PRKCE: variants seen among roughly 807,000 people sequenced by gnomAD.
PRKCE encodes protein kinase C epsilon type.
PRKCE carries 16 observed loss-of-function variants against 85.4 expected under a neutral mutation model. That is an observed-to-expected ratio of 0.19 (90% CI 0.13 to 0.28). The LOEUF is 0.28. PRKCE is among the 10% of genes least tolerant of loss of function. The pLI, the probability that PRKCE is intolerant of heterozygous loss-of-function variation, is 1.00. For synonymous variants in PRKCE, 388 were observed against 371.5 expected (o/e 1.04, Z -0.51); for missense variants, 573 against 975.2 (o/e 0.59, Z 5.49).
intron 1 of PRKCE, among the ~76,000 whole-genome samples, chr2:45,711,039 C>G (rs926752675): frequency 1.3e-5 from 2 of 152,218 alleles, no homozygotes; most frequent in African/African-American, 4.8e-5. Flanking sequence ...CCCTCCCTGT[C>G]CCCTGTCCCC....
In PRKCE at chr2:45,651,832, G is replaced by A; in HGVS notation, c.-269G>A. 2 of 343,776 alleles carry A rather than the reference G, an allele frequency of 5.8e-6. No homozygotes were observed. The highest frequency in any genetic ancestry group is 4.6e-5 in the East Asian group (1 of 21,920). The allele number at this position is 343,776 out of a possible 1,614,324, so 21.3% of individuals were successfully genotyped here. A position where few individuals can be genotyped will look rare whatever the true frequency, so the allele number is the denominator to read the frequency against. On this transcript the variant is annotated 5_prime_UTR_variant, in exon 1 of 15. Coordinates refer to ENST00000306156, the MANE Select transcript of PRKCE (RefSeq NM_005400.3). ...CGTCTTCTCTTCTGGAGGTGCAGCTGGTGGTCGGGGGGAGAGACTTGCTCC... is the reference window on the plus strand; with the variant it reads ...CGTCTTCTCTTCTGGAGGTGCAGCTAGTGGTCGGGGGGAGAGACTTGCTCC...
intron 10 of PRKCE, among the ~76,000 whole-genome samples, chr2:46,024,922 T>A (rs1165636964): frequency 6.6e-6 from 1 of 152,188 alleles, no homozygotes; most frequent in Non-Finnish European, 1.5e-5. Context: ...AATGGTGAAA[T>A]ACTTCTACCA....
intron 1 of PRKCE, among the ~76,000 whole-genome samples, chr2:45,742,759 C>T (rs1374490344): frequency 1.3e-5 from 2 of 152,138 alleles, no homozygotes; most frequent in Non-Finnish European, 2.9e-5. Context: ...CAGAGAATGA[C>T]CTTATGATCC....
At chr2:45,977,391 C>A (rs1702538237) in intron 3 of PRKCE, among the ~76,000 whole-genome samples, 1 of 152,000 alleles carries the variant, frequency 6.6e-6, no homozygotes, top group Admixed American at 6.6e-5. Flanking sequence ...AATCCCAGCA[C>A]TTTGGGAGGC....
intron 1 of PRKCE, among the ~76,000 whole-genome samples, chr2:45,782,005 C>G (rs6744924): frequency 0.018 from 2,703 of 152,096 alleles, 69 homozygotes; most frequent in African/African-American, 0.062. Flanking sequence ...GAGGTTTGAG[C>G]CTCGTTTTTG....
At chr2:45,902,851 G>A (rs907221472) in intron 2 of PRKCE, among the ~76,000 whole-genome samples, 3 of 152,234 alleles carry the variant, frequency 2.0e-5, no homozygotes, top group Non-Finnish European at 2.9e-5. Flanking sequence ...AGTGGGCTCT[G>A]TGGCCAAATA....
chr2:46,065,878 A>G (rs1323995917), intron 10 of PRKCE, among the ~76,000 whole-genome samples: 1 of 152,214 alleles, frequency 6.6e-6, no homozygotes, highest in African/African-American at 2.4e-5. Context: ...AGCTGATGGC[A>G]CGGTCTCTTG....
intron 11 of PRKCE, among the ~76,000 whole-genome samples, chr2:46,119,249 C>T (rs530137249): frequency 6.6e-6 from 1 of 151,682 alleles, no homozygotes; most frequent in Non-Finnish European, 1.5e-5. Flanking sequence ...ATTACAGTAG[C>T]AGCTTTCCTT....
chr2:46,107,496 A>C (rs980575557), intron 11 of PRKCE, among the ~76,000 whole-genome samples: 1 of 152,198 alleles, frequency 6.6e-6, no homozygotes, highest in African/African-American at 2.4e-5. Flanking sequence ...AGTTTTGATG[A>C]TTATGAGTAA....
At chr2:45,913,283 G>C (rs1038942454) in intron 2 of PRKCE, among the ~76,000 whole-genome samples, 20 of 152,186 alleles carry the variant, frequency 1.3e-4, no homozygotes, top group Middle Eastern at 3.2e-3. Context: ...GAGTAGCTGG[G>C]ACCACAGGCG....
chr2:46,140,619 A>G (rs535391531), intron 11 of PRKCE, among the ~76,000 whole-genome samples: 1 of 152,334 alleles, frequency 6.6e-6, no homozygotes, highest in Non-Finnish European at 1.5e-5. Context: ...TGAAATGGGT[A>G]AAGCCTTTCA....
intron 11 of PRKCE, among the ~76,000 whole-genome samples, chr2:46,107,493 A>G (rs11684352): frequency 0.41 from 62,224 of 152,058 alleles, 14,292 homozygotes; most frequent in East Asian, 0.53. Context: ...TCCAGTTTTG[A>G]TGATTATGAG....
At chr2:45,732,474 T>G (rs961716251) in intron 1 of PRKCE, among the ~76,000 whole-genome samples, 2 of 152,214 alleles carry the variant, frequency 1.3e-5, no homozygotes, top group Non-Finnish European at 1.5e-5. Flanking sequence ...TTAAATAGGT[T>G]TATTCATCCA....
intron 1 of PRKCE, among the ~76,000 whole-genome samples, chr2:45,829,192 A>G (rs2105381411): frequency 6.6e-6 from 1 of 152,352 alleles, no homozygotes; most frequent in East Asian, 1.9e-4. Flanking sequence ...ATTTGAGATA[A>G]ATTCCCAGAA....
intron 2 of PRKCE, among the ~76,000 whole-genome samples, chr2:45,951,587 C>T (rs909873750): frequency 1.3e-5 from 2 of 152,172 alleles, no homozygotes; most frequent in South Asian, 2.1e-4. Context: ...TTAAAGGTGC[C>T]GCTCTCCCTA....
rs115783232 is a variant in PRKCE at position 45,855,372 on chromosome 2, A to C, written c.412+12309A>C. Among the ~76,000 whole-genome samples, 468 of 152,358 alleles carry C rather than the reference A, an allele frequency of 3.1e-3. 5 individuals carry two copies. Among genetic ancestry groups the C allele is most frequent in the African/African-American group, 0.011 (456 of 41,588 alleles). ...GCTTAAAAATCTTACAAATTTAGGC[A>C]AAAATGGAAATGTTAAAATTTGAAC... On this transcript the variant is annotated intron_variant, in intron 2 of 14. Transcript: ENST00000306156.
At chr2:46,172,617 T>G (rs1679025918) in intron 14 of PRKCE, among the ~76,000 whole-genome samples, 1 of 152,244 alleles carries the variant, frequency 6.6e-6, no homozygotes, top group Non-Finnish European at 1.5e-5. Flanking sequence ...GCTAACGCTT[T>G]GAGACTATTG....
rs190794245 is a variant in PRKCE at position 45,955,177 on chromosome 2, G to T, written c.413-21252G>T. Among the ~76,000 whole-genome samples, 357 of 152,288 alleles carry T rather than the reference G, an allele frequency of 2.3e-3. 2 individuals carry two copies. Among genetic ancestry groups the T allele is most frequent in the African/African-American group, 8.3e-3 (345 of 41,566 alleles). On this transcript the variant is annotated intron_variant, in intron 2 of 14. Transcript: ENST00000306156. The stretch of plus-strand genomic sequence containing the variant: ...CCAAGTACTATGGTAGTTCAAAGAA[G>T]AAAAAGATCCCTGTGGACTGCCCTG...
At chr2:45,851,905 C>T (rs1349726496) in intron 2 of PRKCE, 3 of 152,308 alleles carry the variant, frequency 2.0e-5, no homozygotes, top group African/African-American at 7.2e-5. Context: ...CTGAGTGCTC[C>T]TGCCATGGAG....
Sources: gnomAD v4.1 joint callset for allele counts (sites outside exome capture counted in the v4.1 genomes callset) on GRCh38, gnomAD v4.1.1 for gene constraint, MANE v1.5 for transcripts, NCBI Gene and HGNC (gene_info 2026-07-23, HGNC 2026-07-21) for gene names.